Variants in PDSS2 observed in about 807,000 individuals in gnomAD.
The protein encoded by PDSS2 is all trans-polyprenyl-diphosphate synthase PDSS2.
A neutral mutation model predicts 44.5 loss-of-function variants in PDSS2; 31 were observed. The observed-to-expected ratio is 0.70, with a 90% CI of 0.52 to 0.94. The LOEUF is 0.94. Ranked by LOEUF, PDSS2 falls within the 40% of genes least tolerant of loss-of-function variation. PDSS2 has a pLI of 0.00. For missense variants in PDSS2, 452 were observed against 482.2 expected (o/e 0.94, Z 0.59); for synonymous variants, 157 against 180.3 (o/e 0.87, Z 1.03).
chr6:107,163,928 T>C lies in PDSS2; in HGVS notation c.1042-9151A>G, dbSNP rs137938577. Among the ~76,000 whole-genome samples the C allele has an allele frequency of 1.5e-3, 227 of 152,190 alleles. 1 individual carries two copies. Among genetic ancestry groups the C allele is most frequent in the African/African-American group, 4.4e-3 (184 of 41,536 alleles). On this transcript the variant is annotated intron_variant, in intron 7 of 7. Coordinates refer to ENST00000369037, the MANE Select transcript of PDSS2 (RefSeq NM_020381.4). ...GATCTTGTTCTTTTTTAAATAAACG[T>C]GACAACAGATACATTAAGCTGGGGT...
At chr6:107,315,575 G>A (rs1217307521) in intron 2 of PDSS2, among the ~76,000 whole-genome samples, 1 of 152,096 alleles carries the variant, frequency 6.6e-6, no homozygotes, top group Non-Finnish European at 1.5e-5. Context: ...CCTGTGATAA[G>A]AGTCTGAGAA....
chr6:107,378,081 C>T (rs1779344426), intron 1 of PDSS2, among the ~76,000 whole-genome samples: 1 of 145,394 alleles, frequency 6.9e-6, no homozygotes, highest in African/African-American at 2.5e-5. Context: ...AAATATATTA[C>T]AATTAGGCCC....
intron 1 of PDSS2, among the ~76,000 whole-genome samples, chr6:107,376,622 T>C (rs1779293629): frequency 6.6e-6 from 1 of 152,192 alleles, no homozygotes; most frequent in East Asian, 1.9e-4. Context: ...TCCTGAGACT[T>C]TGCTGAAGTT....
chr6:107,446,439 A>G (rs969657939), intron 1 of PDSS2, among the ~76,000 whole-genome samples: 1 of 152,302 alleles, frequency 6.6e-6, no homozygotes, highest in East Asian at 1.9e-4. Context: ...AAAACCAAAA[A>G]ATTGATATTG....
chr6:107,281,944 C>T (rs1775973217), intron 2 of PDSS2, among the ~76,000 whole-genome samples: 1 of 152,148 alleles, frequency 6.6e-6, no homozygotes, highest in African/African-American at 2.4e-5. Context: ...CTTGCTCCGT[C>T]ACCCAGGCTG....
At chr6:107,357,944 T>A (rs771219470) in intron 1 of PDSS2, among the ~76,000 whole-genome samples, 8 of 152,214 alleles carry the variant, frequency 5.3e-5, no homozygotes, top group Non-Finnish European at 1.2e-4. Context: ...AGCAATATTT[T>A]AACCACATAA....
intron 1 of PDSS2, among the ~76,000 whole-genome samples, chr6:107,338,892 A>AT (rs143974680): frequency 0.18 from 26,374 of 150,580 alleles, 2,444 homozygotes; most frequent in African/African-American, 0.22. Context: ...GTAAGTATTA[A>AT]TTTTTTTTTT....
intron 7 of PDSS2, among the ~76,000 whole-genome samples, chr6:107,184,387 C>T (rs910943447): frequency 6.6e-6 from 1 of 152,070 alleles, no homozygotes; most frequent in African/African-American, 2.4e-5. Flanking sequence ...AAATTCTGGA[C>T]TCAATATGCA....
intron 1 of PDSS2, among the ~76,000 whole-genome samples, chr6:107,431,785 T>C (rs1781202229): frequency 6.6e-6 from 1 of 152,232 alleles, no homozygotes; most frequent in African/African-American, 2.4e-5. Flanking sequence ...ACAGTTAATC[T>C]AAACATTTTA....
chr6:107,309,498 T>C (rs1291430391), intron 2 of PDSS2, among the ~76,000 whole-genome samples: 4 of 152,218 alleles, frequency 2.6e-5, no homozygotes, highest in Non-Finnish European at 5.9e-5. Flanking sequence ...TGGCTCCTAA[T>C]TGAACTCTCC....
intron 1 of PDSS2, among the ~76,000 whole-genome samples, chr6:107,349,929 G>C (rs183842959): frequency 6.6e-5 from 10 of 152,274 alleles, no homozygotes; most frequent in Admixed American, 5.9e-4. Context: ...ATCATACATT[G>C]CATTTAGTTG....
chr6:107,173,601 T>G (rs1200057080), intron 7 of PDSS2, among the ~76,000 whole-genome samples: 1 of 96,718 alleles, frequency 1.0e-5, no homozygotes, highest in Non-Finnish European at 2.2e-5. Context: ...AAAAAAACGC[T>G]TAGAACAGGA....
chr6:107,273,949 C>A, intron 3 of PDSS2, 80 bp downstream of exon 3: 5 of 1,056,772 alleles, frequency 4.7e-6, no homozygotes, highest in Non-Finnish European at 7.4e-6. Flanking sequence ...GGCAGCCGGG[C>A]ACACAGACCT....
chr6:107,295,908 A>G (rs1346949013), intron 2 of PDSS2, among the ~76,000 whole-genome samples: 2 of 152,210 alleles, frequency 1.3e-5, no homozygotes, highest in East Asian at 1.9e-4. Flanking sequence ...TCTGATGTTC[A>G]ATACCACCAC....
intron 2 of PDSS2, among the ~76,000 whole-genome samples, chr6:107,299,146 CAAAA>C (rs71991148): frequency 1.3e-4 from 7 of 53,494 alleles, no homozygotes; most frequent in South Asian, 1.3e-3. Context: ...GACCCTGTCT[CAAAA>C]AAAAAAAAAA....
In PDSS2 at chr6:107,285,760, CTA is replaced by C. The variant is rs1380603350; in HGVS notation, c.432-11535_432-11534del. Among the ~76,000 whole-genome samples, 4 of 152,266 alleles carry C rather than the reference CTA, an allele frequency of 2.6e-5. 1 individual carries two copies. Among genetic ancestry groups the C allele is most frequent in the African/African-American group, 9.6e-5 (4 of 41,546 alleles). On this transcript the variant is annotated intron_variant, in intron 2 of 7. Transcript: ENST00000369037. The stretch of plus-strand genomic sequence containing the variant: ...AACCATCTAACTGTGAAAAGCAACA[CTA>C]TAAATTTAGGAAAACATCCTTATGG...
At chr6:107,173,572 C>CA (rs71012783) in intron 7 of PDSS2, among the ~76,000 whole-genome samples, 1,101 of 41,372 alleles carry the variant, frequency 0.027, 244 homozygotes, top group African/African-American at 0.1. Context: ...GACTCTGTCT[C>CA]AAAAAAAAAA....
chr6:107,166,125 A>C (rs1771336784), intron 7 of PDSS2, among the ~76,000 whole-genome samples: 1 of 151,958 alleles, frequency 6.6e-6, no homozygotes, highest in Admixed American at 6.6e-5. Flanking sequence ...GGACAATTTG[A>C]CTTCCTCTTT....
intron 2 of PDSS2, among the ~76,000 whole-genome samples, chr6:107,274,799 A>G (rs771806953): frequency 1.3e-5 from 2 of 151,194 alleles, no homozygotes; most frequent in Non-Finnish European, 2.9e-5. Context: ...CAGCCTCCCG[A>G]GTAGCTGGGA....
Sources: allele counts gnomAD v4.1 joint callset (sites outside exome capture counted in the v4.1 genomes callset), GRCh38; gene constraint gnomAD v4.1.1; transcripts MANE v1.5; gene names NCBI Gene and HGNC (gene_info 2026-07-23, HGNC 2026-07-21).